Variants in SDE2 observed in about 807,000 individuals in gnomAD.
The protein encoded by SDE2 is splicing regulator SDE2.
A neutral mutation model predicts 46.9 loss-of-function variants in SDE2; 31 were observed. That is an observed-to-expected ratio of 0.66 (90% confidence interval 0.50 to 0.89). The LOEUF (loss-of-function observed/expected upper bound fraction) is 0.89. Ranked by LOEUF, SDE2 falls within the 40% of genes least tolerant of loss-of-function variation. SDE2 has a pLI of 0.00. For synonymous variants in SDE2, 205 were observed against 204.3 expected (o/e 1.00, Z -0.03); for missense variants, 542 against 564.4 (o/e 0.96, Z 0.40).
chr1:225,999,266 C>T lies in SDE2; in HGVS notation c.47G>A (p.Gly16Glu). Residue 16 changes from glycine to glutamate, a missense_variant, in exon 1 of 7, where the codon GGG becomes GAG. Transcript: ENST00000272091. ...ALVWIRGPGF[G>E]CKAVRCASGR... ...CGAGGCACACCGCACCGCCTTGCAC[C>T]CGAAGCCAGGGCCGCGAATCCACAC... The T allele has an allele frequency of 6.2e-7, 1 of 1,613,006 alleles. No individual in the cohort carries two copies. Among genetic ancestry groups the T allele is most frequent in the Non-Finnish European group, 8.5e-7 (1 of 1,179,670 alleles).
chr1:225,991,708 G>A (rs1341608931), intron 4 of SDE2, among the ~76,000 whole-genome samples: 1 of 152,136 alleles, frequency 6.6e-6, no homozygotes, highest in Admixed American at 6.5e-5. Context: ...CAAAAAGATT[G>A]TTTCTTATTC....
chr1:225,985,959 T>G (rs1380955296), intron 6 of SDE2, among the ~76,000 whole-genome samples: 1 of 152,176 alleles, frequency 6.6e-6, no homozygotes, highest in Non-Finnish European at 1.5e-5. Flanking sequence ...TAATTAAAAC[T>G]AATTGTCAGA....
rs1230260730 is a variant in SDE2 at position 225,985,375 on chromosome 1, G to A, written c.1283C>T (p.Ser428Phe). Residue 428 changes from serine (S) to phenylalanine (F), a missense_variant, in exon 7 of 7, where the codon TCT (serine) becomes TTT (phenylalanine). Physicochemically the swap from Ser to Phe is radical, Grantham distance 155 (BLOSUM62 -2). This residue lies in a region of SDE2 where 401 missense variants were observed against 437.8 expected (regional missense o/e 0.92). Coordinates refer to ENST00000272091, the MANE Select transcript of SDE2 (RefSeq NM_152608.4). ...TTGCTCCTTTGCCAGTCCTCTGACA[G>A]AGAAGAGTCTTGCTGCCCGCTCCTG... ...TLQERAARLF[S>F]VRGLAKEQID... 1.2e-6 allele frequency: 2 copies of A among 1,614,110 alleles called. No individual in the cohort carries two copies. Among genetic ancestry groups the A allele is most frequent in the African/African-American group, 2.7e-5 (2 of 74,932 alleles).
At chr1:225,985,811 A>G (rs933961931) in intron 6 of SDE2, among the ~76,000 whole-genome samples, 4 of 152,206 alleles carry the variant, frequency 2.6e-5, no homozygotes, top group Non-Finnish European at 5.9e-5. Flanking sequence ...TCTAGTAAAC[A>G]TCTAAACAGT....
chr1:225,989,243 C>G (rs1656337775), intron 5 of SDE2, among the ~76,000 whole-genome samples: 1 of 149,930 alleles, frequency 6.7e-6, no homozygotes, highest in Non-Finnish European at 1.5e-5. Flanking sequence ...TTACAGTAAG[C>G]CATCATCGCA....
At chr1:225,996,585 G>A (rs368208428) in intron 1 of SDE2, among the ~76,000 whole-genome samples, 1 of 152,170 alleles carries the variant, frequency 6.6e-6, no homozygotes, top group African/African-American at 2.4e-5. Flanking sequence ...ATTGTAAAGT[G>A]CTTCAAACAC....
rs2102708074 is a variant in SDE2, at chr1:225,999,335, A to G, written c.-23T>C. ...CATGTCACCGACTACCCGAACCTCAAGCCTCTCTGAGACACCAGGCGCCGC... is the reference window on the plus strand; with the variant it reads ...CATGTCACCGACTACCCGAACCTCAGGCCTCTCTGAGACACCAGGCGCCGC... On this transcript the variant is annotated 5_prime_UTR_variant, in exon 1 of 7. Coordinates refer to ENST00000272091, the MANE Select transcript of SDE2 (RefSeq NM_152608.4). The G allele has an allele frequency of 5.6e-6, 9 of 1,603,250 alleles. No individual in the cohort carries two copies. Among genetic ancestry groups the G allele is most frequent in the Non-Finnish European group, 5.1e-6 (6 of 1,174,370 alleles).
Position 225,991,496 on chromosome 1 carries a change from T to A in SDE2, c.521-133A>T, listed in dbSNP as rs935493294. The stretch of plus-strand genomic sequence containing the variant: ...AATTTCTTAAGATACCAACATTTTA[T>A]ACAGTTAATCTCAAATTTACACAGA... On this transcript the variant is annotated intron_variant, in intron 4 of 6. Coordinates refer to ENST00000272091, the MANE Select transcript of SDE2 (RefSeq NM_152608.4). 1.9e-5 allele frequency: 12 copies of A among 626,722 alleles called. No individual in the cohort carries two copies. The South Asian group carries it at 2.6e-4, about 14-fold the overall frequency. 38.8% of individuals were successfully genotyped at this position (626,722 alleles called of 1,614,324 possible). A position where few individuals can be genotyped will look rare whatever the true frequency, so the allele number is the denominator to read the frequency against.
rs748287822 is a variant in SDE2 at position 225,995,250 on chromosome 1, A to G, written c.238+16T>C. ...GCAAATGTGTTACAACTAAGTAGTC[A>G]ATGTTCAGGTCCTACCTCCTTTTCC... On this transcript the variant is annotated intron_variant, in intron 2 of 6. Coordinates refer to ENST00000272091, the MANE Select transcript of SDE2 (RefSeq NM_152608.4). 1 of 1,241,404 alleles carries G rather than the reference A, an allele frequency of 8.1e-7. No individual in the cohort carries two copies. Among genetic ancestry groups the G allele is most frequent in the Non-Finnish European group, 1.2e-6 (1 of 846,076 alleles). The allele number at this position is 1,241,404 out of a possible 1,614,324, so 76.9% of individuals were successfully genotyped here. A position where few individuals can be genotyped will look rare whatever the true frequency, so the allele number is the denominator to read the frequency against.
At chr1:225,997,420 CATTT>C (rs1656553485) in intron 1 of SDE2, among the ~76,000 whole-genome samples, 1 of 152,112 alleles carries the variant, frequency 6.6e-6, no homozygotes, top group Non-Finnish European at 1.5e-5. Flanking sequence ...TGAATCCACT[CATTT>C]ATATTTCTTT....
In SDE2 at chr1:225,999,155, G is replaced by A; in HGVS notation, c.120+38C>T. On this transcript the variant is annotated intron_variant, in intron 1 of 6. Coordinates refer to ENST00000272091, the MANE Select transcript of SDE2 (RefSeq NM_152608.4). Reference sequence around the variant, plus strand: ...CCGCACCCAGCGCTGCCACCTGTCTGCCTCTTTCTCCTTCCTAACAGGAAC... The same window carrying A: ...CCGCACCCAGCGCTGCCACCTGTCTACCTCTTTCTCCTTCCTAACAGGAAC... The A allele has an allele frequency of 1.9e-6, 3 of 1,565,172 alleles. No homozygotes were observed. The South Asian group carries it at 3.4e-5, about 18-fold the overall frequency.
intron 2 of SDE2, among the ~76,000 whole-genome samples, chr1:225,994,544 A>T (rs978057836): frequency 6.6e-6 from 1 of 152,220 alleles, no homozygotes; most frequent in African/African-American, 2.4e-5. Flanking sequence ...GCTCTTTGTT[A>T]TCTTTCCTAG....
intron 1 of SDE2, among the ~76,000 whole-genome samples, chr1:225,995,628 A>G (rs950770767): frequency 6.6e-5 from 10 of 152,208 alleles, no homozygotes; most frequent in Admixed American, 1.3e-4. Flanking sequence ...TTGCGGTGAC[A>G]ACAAAAACTG....
chr1:225,985,864 G>A (rs1397600427), intron 6 of SDE2, among the ~76,000 whole-genome samples: 3 of 152,132 alleles, frequency 2.0e-5, no homozygotes, highest in African/African-American at 7.2e-5. Context: ...CACAGAAAGA[G>A]CAGGCACTCC....
At chr1:225,993,345 C>T (rs1656447527) in intron 2 of SDE2, among the ~76,000 whole-genome samples, 1 of 152,208 alleles carries the variant, frequency 6.6e-6, no homozygotes, top group Non-Finnish European at 1.5e-5. Context: ...GGTGCAGTGG[C>T]TCACGCCTGT....
Position 225,985,173 on chromosome 1 carries a change from G to A in SDE2, c.*129C>T. On this transcript the variant is annotated 3_prime_UTR_variant, in exon 7 of 7. Coordinates refer to ENST00000272091, the MANE Select transcript of SDE2 (RefSeq NM_152608.4). ...TTCTACAGCCCTGACAAGGAAAAAG[G>A]GGATAGTTAGAATTGGGTTACTAAA... 1.5e-6 allele frequency: 1 copy of A among 672,642 alleles called. No homozygotes were observed. The highest frequency in any genetic ancestry group is 1.9e-5 in the South Asian group (1 of 53,978). The allele number at this position is 672,642 out of a possible 1,614,324, so 41.7% of individuals were successfully genotyped here.
intron 4 of SDE2, 104 bp downstream of exon 4, chr1:225,992,294 C>T: frequency 1.4e-6 from 1 of 712,376 alleles, no homozygotes. Context: ...ACATCTGTAA[C>T]CTAAAAAAAG....
Position 225,992,403 on chromosome 1 carries a change from A to G in SDE2, c.515T>C (p.Leu172Pro). 2 of 1,613,020 alleles carry G rather than the reference A, an allele frequency of 1.2e-6. No individual in the cohort carries two copies. The highest frequency in any genetic ancestry group is 1.7e-6 in the Non-Finnish European group (2 of 1,179,656). The change falls in exon 4 of 7, where the codon CTC becomes CCC. Residue 172 changes from leucine (L) to proline (P), a missense_variant. This residue lies in a region of SDE2 where 401 missense variants were observed against 437.8 expected (regional missense o/e 0.92). Coordinates refer to ENST00000272091, the MANE Select transcript of SDE2 (RefSeq NM_152608.4). ...TAAGGAATCCTCATTCTCACCTTTG[A>G]GGACGGAATCCTCCAGACGCTCAGC... is the stretch of plus-strand genomic sequence containing the variant. The part of the protein sequence containing the change: ...EMAERLEDSV[L>P]KGMQAASSKM...
Position 225,985,412 on chromosome 1 carries a change from C to T in SDE2, c.1246G>A (p.Gly416Arg), listed in dbSNP as rs780802750. Residue 416 changes from glycine (G) to arginine (R), a missense_variant, in exon 7 of 7, where the codon GGG (glycine) becomes AGG (arginine). By Grantham distance (125) the Gly-to-Arg change is moderately radical. Coordinates refer to ENST00000272091, the MANE Select transcript of SDE2 (RefSeq NM_152608.4). Reference sequence around the variant, plus strand: ...GCTGCCCGCTCCTGCAGAGTGCCCCCACATTTCAGTCCAAGGGCCATCAGT... The same window carrying T: ...GCTGCCCGCTCCTGCAGAGTGCCCCTACATTTCAGTCCAAGGGCCATCAGT... Reference protein sequence around the residue: ...CELMALGLKCGGTLQERAARL... With the variant: ...CELMALGLKCRGTLQERAARL... 2 of 1,614,222 alleles carry T rather than the reference C, an allele frequency of 1.2e-6. No homozygotes were observed. The highest frequency in any genetic ancestry group is 1.7e-6 in the Non-Finnish European group (2 of 1,180,016).
Sources: gnomAD v4.1 joint callset for allele counts (sites outside exome capture counted in the v4.1 genomes callset) on GRCh38, gnomAD v4.1.1 for gene constraint, gnomAD v4.1.1 regional missense constraint, MANE v1.5 for transcripts, NCBI Gene and HGNC (gene_info 2026-07-23, HGNC 2026-07-21) for gene names.